The following CDH8 variants were observed in gnomAD, a reference collection of about 807,000 sequenced individuals.
CDH8 encodes cadherin-8.
Under a neutral mutation model 68.1 loss-of-function variants are expected in CDH8, and 17 were observed. The ratio of observed to expected loss-of-function variants is 0.25; its 90% CI spans 0.17 to 0.37. The LOEUF (loss-of-function observed/expected upper bound fraction) is 0.37, where lower values mean the gene tolerates loss of function less well. CDH8 is among the 10% of genes least tolerant of loss of function. The pLI is 1.00. For missense variants in CDH8, 763 were observed against 999.3 expected (o/e 0.76, Z 3.19); for synonymous variants, 372 against 365.1 (o/e 1.02, Z -0.21).
At chr16:61,797,438 T>A (rs2142996007) in intron 7 of CDH8, among the ~76,000 whole-genome samples, 1 of 152,224 alleles carries the variant, frequency 6.6e-6, no homozygotes, top group East Asian at 1.9e-4. Context: ...AAAAAGTTAT[T>A]CTGAACTGCA....
intron 7 of CDH8, among the ~76,000 whole-genome samples, chr16:61,792,936 G>T (rs561805067): frequency 6.6e-6 from 1 of 152,032 alleles, no homozygotes; most frequent in South Asian, 2.1e-4. Context: ...CCCAAACTGG[G>T]ACACAACATT....
Position 61,936,301 on chromosome 16 carries a change from T to C in CDH8, c.253-34828A>G, listed in dbSNP as rs552965988. Among the ~76,000 whole-genome samples the C allele has an allele frequency of 3.4e-4, 52 of 152,010 alleles. 1 individual carries two copies. The South Asian group carries it at 0.011, about 32-fold the overall frequency. On this transcript the variant is annotated intron_variant, in intron 2 of 11. Transcript: ENST00000577390. ...TGAATAATGAGAGGAGAAGCATGAGTTATGGGGCATTCAGGTAAACAATTA... is the reference window on the plus strand; with the variant it reads ...TGAATAATGAGAGGAGAAGCATGAGCTATGGGGCATTCAGGTAAACAATTA...
At chr16:61,736,386 C>T (rs1435650146) in intron 8 of CDH8, among the ~76,000 whole-genome samples, 6 of 152,158 alleles carry the variant, frequency 3.9e-5, no homozygotes, top group East Asian at 1.9e-4. Context: ...ACTGGCAAGC[C>T]GTTGAACTAT....
intron 3 of CDH8, among the ~76,000 whole-genome samples, chr16:61,882,689 T>C (rs957089413): frequency 1.3e-5 from 2 of 151,998 alleles, no homozygotes; most frequent in Non-Finnish European, 2.9e-5. Flanking sequence ...CATGAACACA[T>C]AGATGGGACC....
chr16:61,784,926 G>A (rs374592693), intron 8 of CDH8, among the ~76,000 whole-genome samples: 47 of 151,928 alleles, frequency 3.1e-4, no homozygotes, highest in South Asian at 1.2e-3. Flanking sequence ...TCTCTGGGAC[G>A]CATTCAAAGC....
chr16:62,021,321 T>C lies in CDH8; in HGVS notation c.83A>G (p.Tyr28Cys), dbSNP rs1426462526. 6.2e-7 allele frequency: 1 copy of C among 1,614,054 alleles called. No individual in the cohort carries two copies. The highest frequency in any genetic ancestry group is 8.5e-7 in the Non-Finnish European group (1 of 1,179,958). ...TTGAGACTGATTCATCGGAGCCATG[T>C]AAATGCAAGGGGGAAGAGTAATCCA... ...ILWITLPPCI[Y>C]MAPMNQSQVL... Residue 28 changes from tyrosine to cysteine, a missense_variant, in exon 2 of 12, where the codon TAC becomes TGC. Tyr to Cys is a radical substitution (Grantham distance 194). Coordinates refer to ENST00000577390, the MANE Select transcript of CDH8 (RefSeq NM_001796.5).
intron 2 of CDH8, among the ~76,000 whole-genome samples, chr16:61,956,305 T>C (rs546421755): frequency 5.1e-4 from 77 of 152,290 alleles, no homozygotes; most frequent in South Asian, 3.7e-3. Context: ...ATTTATGTGT[T>C]TGTTTTGTTC....
intron 4 of CDH8, among the ~76,000 whole-genome samples, chr16:61,855,773 G>T (rs1021514137): frequency 6.6e-6 from 1 of 152,114 alleles, no homozygotes; most frequent in Non-Finnish European, 1.5e-5. Context: ...AAACCAGGGT[G>T]TGAGTCCCAC....
chr16:61,685,787 T>C (rs1235662833), intron 10 of CDH8, among the ~76,000 whole-genome samples: 2 of 151,928 alleles, frequency 1.3e-5, no homozygotes, highest in Admixed American at 1.3e-4. Flanking sequence ...TGAGCTTGAC[T>C]TGCTTCACCC....
chr16:61,957,871 C>A (rs8055623), intron 2 of CDH8, among the ~76,000 whole-genome samples: 4,485 of 152,190 alleles, frequency 0.029, 74 homozygotes, highest in Admixed American at 0.042. Context: ...ACATCTTTCC[C>A]TTCATCTTTA....
chr16:61,859,159 T>A (rs893204481), intron 3 of CDH8, among the ~76,000 whole-genome samples: 2 of 152,084 alleles, frequency 1.3e-5, no homozygotes, highest in Non-Finnish European at 2.9e-5. Context: ...TCTGCAGTTA[T>A]AAAAAAATGC....
At chr16:61,941,285 T>C (rs910600378) in intron 2 of CDH8, among the ~76,000 whole-genome samples, 1 of 152,230 alleles carries the variant, frequency 6.6e-6, no homozygotes, top group Non-Finnish European at 1.5e-5. Context: ...TATTGGAAAG[T>C]TAAGATTTCT....
At chr16:61,863,240 A>G (rs1963186526) in intron 3 of CDH8, among the ~76,000 whole-genome samples, 1 of 152,136 alleles carries the variant, frequency 6.6e-6, no homozygotes, top group African/African-American at 2.4e-5. Flanking sequence ...TCGGATTTTA[A>G]TTAACAAAAG....
chr16:61,867,007 T>A (rs933147941), intron 3 of CDH8, among the ~76,000 whole-genome samples: 1 of 152,158 alleles, frequency 6.6e-6, no homozygotes, highest in Non-Finnish European at 1.5e-5. Context: ...ATAATAATAG[T>A]GTAGCTGGGG....
chr16:61,977,295 G>A (rs1965452220), intron 2 of CDH8, among the ~76,000 whole-genome samples: 1 of 152,120 alleles, frequency 6.6e-6, no homozygotes, highest in African/African-American at 2.4e-5. Context: ...AGTAATGCAA[G>A]AAAACAGGAG....
chr16:61,688,157 T>C (rs1964144493), intron 10 of CDH8, among the ~76,000 whole-genome samples: 2 of 151,956 alleles, frequency 1.3e-5, no homozygotes, highest in South Asian at 4.1e-4. Flanking sequence ...AACCCACACG[T>C]TTGTGTTCTC....
At chr16:61,703,578 C>A (rs192915482) in intron 10 of CDH8, among the ~76,000 whole-genome samples, 1 of 152,182 alleles carries the variant, frequency 6.6e-6, no homozygotes, top group African/African-American at 2.4e-5. Context: ...CGGTGGCTCA[C>A]GCCTGTAATC....
intron 2 of CDH8, among the ~76,000 whole-genome samples, chr16:61,987,614 A>G (rs936352697): frequency 2.0e-5 from 3 of 152,184 alleles, no homozygotes; most frequent in Non-Finnish European, 4.4e-5. Flanking sequence ...CTTAGCCAGT[A>G]GGTAGTGGAG....
chr16:61,701,453 G>T (rs973261145), intron 10 of CDH8, among the ~76,000 whole-genome samples: 1 of 152,152 alleles, frequency 6.6e-6, no homozygotes, highest in South Asian at 2.1e-4. Flanking sequence ...ATGCATTTGA[G>T]ATACTTTTTA....
Sources: allele counts gnomAD v4.1 joint callset (sites outside exome capture counted in the v4.1 genomes callset), GRCh38; gene constraint gnomAD v4.1.1; transcripts MANE v1.5; gene names NCBI Gene and HGNC (gene_info 2026-07-23, HGNC 2026-07-21).